The following COL26A1 variants were observed in gnomAD, a reference collection of about 807,000 sequenced individuals.
The protein encoded by COL26A1 is collagen type XXVI alpha 1 chain.
Under a neutral mutation model 59.3 loss-of-function variants are expected in COL26A1, and 41 were observed. The observed-to-expected ratio is 0.69, with a 90% confidence interval of 0.54 to 0.90. COL26A1 has a LOEUF of 0.90. Among genes scored for constraint, COL26A1 ranks in the 40% least tolerant of loss-of-function variants. The pLI, the probability that COL26A1 is intolerant of heterozygous loss-of-function variation, is 0.00. For synonymous variants in COL26A1, 266 were observed against 256.0 expected (o/e 1.04, Z -0.37); for missense variants, 612 against 602.3 (o/e 1.02, Z -0.17).
At chr7:101,471,571 G>GTTGTT (rs1793903750) in intron 3 of COL26A1, among the ~76,000 whole-genome samples, 7 of 92,966 alleles carry the variant, frequency 7.5e-5, no homozygotes, top group African/African-American at 2.7e-4. Context: ...GTTGTTGTTT[G>GTTGTT]TTTTTTTTTT....
Position 101,387,630 on chromosome 7 carries a change from G to GCTCT in COL26A1, c.158+24453_158+24456dup, listed in dbSNP as rs374185692. Reference sequence around the variant, plus strand: ...TGCAGTGTGAAGCATTCTCTCTCTCGCTCTCTCTCTCTCTCTTTATATATA... The same window carrying GCTCT: ...TGCAGTGTGAAGCATTCTCTCTCTCGCTCTCTCTCTCTCTCTCTCTTTATATATA... On this transcript the variant is annotated intron_variant, in intron 1 of 12. Coordinates refer to ENST00000313669, the MANE Select transcript of COL26A1 (RefSeq NM_001278563.3). 6.9e-3 allele frequency among the ~76,000 whole-genome samples: 917 copies of GCTCT among 132,392 alleles called. 12 individuals are homozygous for GCTCT. The highest frequency in any genetic ancestry group is 0.025 in the African/African-American group (885 of 35,410). The allele number at this position is 132,392 out of a possible 152,430, so 86.9% of individuals were successfully genotyped here. A position where few individuals can be genotyped will look rare whatever the true frequency, so the allele number is the denominator to read the frequency against.
At chr7:101,532,760 A>G (rs769100032) in intron 3 of COL26A1, among the ~76,000 whole-genome samples, 2 of 152,138 alleles carry the variant, frequency 1.3e-5, no homozygotes, top group Non-Finnish European at 1.5e-5. Flanking sequence ...GCTTTGTGCC[A>G]GTCACTGAGA....
At chr7:101,406,329 C>A (rs1477752047) in intron 1 of COL26A1, among the ~76,000 whole-genome samples, 1 of 152,142 alleles carries the variant, frequency 6.6e-6, no homozygotes, top group African/African-American at 2.4e-5. Flanking sequence ...AAAAACTGAT[C>A]AGGCCATGGT....
chr7:101,385,866 G>A (rs1308661858), intron 1 of COL26A1, among the ~76,000 whole-genome samples: 4 of 151,630 alleles, frequency 2.6e-5, no homozygotes, highest in South Asian at 2.1e-4. Flanking sequence ...CACCACGCCC[G>A]GCTAATTTTT....
intron 3 of COL26A1, among the ~76,000 whole-genome samples, chr7:101,477,443 C>T (rs1326310245): frequency 6.6e-6 from 1 of 152,204 alleles, no homozygotes; most frequent in Non-Finnish European, 1.5e-5. Flanking sequence ...CAGTGACCCT[C>T]TCTTGGGCTG....
chr7:101,430,349 C>T (rs951643430), intron 2 of COL26A1, among the ~76,000 whole-genome samples: 2 of 151,594 alleles, frequency 1.3e-5, no homozygotes, highest in Non-Finnish European at 2.9e-5. Flanking sequence ...AGTGTAGTGG[C>T]GCGATCTCAG....
At chr7:101,387,778 A>ATTTTTTTTTTTTT (rs1554404085) in intron 1 of COL26A1, among the ~76,000 whole-genome samples, 2 of 84,806 alleles carry the variant, frequency 2.4e-5, no homozygotes, top group African/African-American at 9.9e-5. Context: ...ATATATATAT[A>ATTTTTTTTTTTTT]TTTTTTTTTA....
At chr7:101,452,866 C>T (rs778319970) in intron 3 of COL26A1, among the ~76,000 whole-genome samples, 27 of 151,818 alleles carry the variant, frequency 1.8e-4, no homozygotes, top group Non-Finnish European at 3.4e-4. Context: ...CTGGGTTCAA[C>T]GGATTCTCCT....
At chr7:101,385,307 G>A (rs1288673680) in intron 1 of COL26A1, among the ~76,000 whole-genome samples, 1 of 149,612 alleles carries the variant, frequency 6.7e-6, no homozygotes, top group African/African-American at 2.4e-5. Context: ...TATACGGTGT[G>A]TGTGTATATA....
At chr7:101,419,074 T>C (rs1792446052) in intron 1 of COL26A1, among the ~76,000 whole-genome samples, 5 of 28,358 alleles carry the variant, frequency 1.8e-4, no homozygotes, top group Non-Finnish European at 1.3e-4. Context: ...CTCTCATTCC[T>C]CCTCCCCTCC....
At chr7:101,495,120 T>C (rs1794552794) in intron 3 of COL26A1, among the ~76,000 whole-genome samples, 1 of 152,188 alleles carries the variant, frequency 6.6e-6, no homozygotes, top group African/African-American at 2.4e-5. Flanking sequence ...CTGCTGAGAA[T>C]GTCAGGAGAT....
chr7:101,392,212 A>C (rs1274315777), intron 1 of COL26A1, among the ~76,000 whole-genome samples: 1 of 151,852 alleles, frequency 6.6e-6, no homozygotes, highest in African/African-American at 2.4e-5. Context: ...CACAGGCAGG[A>C]GGGTTACTCC....
chr7:101,449,353 C>A (rs948585365), intron 3 of COL26A1, among the ~76,000 whole-genome samples: 5 of 152,220 alleles, frequency 3.3e-5, no homozygotes, highest in Admixed American at 6.5e-5. Flanking sequence ...TCTGGTCCCC[C>A]CAACGGGATG....
intron 12 of COL26A1, among the ~76,000 whole-genome samples, chr7:101,556,993 GTGGATGGATGGATGGATGGA>G (rs72354212): frequency 2.1e-5 from 3 of 144,794 alleles, no homozygotes; most frequent in Admixed American, 7.1e-5. Context: ...GGATGGATGG[GTGGATGGATGGATGGATGGA>G]TGGATGGATG....
Position 101,425,812 on chromosome 7 carries a change from T to G in COL26A1, c.281+5713T>G, listed in dbSNP as rs577519351. Among the ~76,000 whole-genome samples the G allele has an allele frequency of 6.1e-5, 9 of 148,752 alleles. No homozygotes were observed. The South Asian group carries it at 6.4e-4, about 11-fold the overall frequency. On this transcript the variant is annotated intron_variant, in intron 2 of 12. Coordinates refer to ENST00000313669, the MANE Select transcript of COL26A1 (RefSeq NM_001278563.3). Reference sequence around the variant, plus strand: ...GTGAGCCACCATGCCCGGCCCCCAGTGCTTCTTAGCATAATTTTTTTTTTT... The same window carrying G: ...GTGAGCCACCATGCCCGGCCCCCAGGGCTTCTTAGCATAATTTTTTTTTTT...
At chr7:101,404,315 G>A (rs1464987137) in intron 1 of COL26A1, among the ~76,000 whole-genome samples, 3 of 152,116 alleles carry the variant, frequency 2.0e-5, no homozygotes, top group Non-Finnish European at 4.4e-5. Context: ...TTATCAGTAG[G>A]GTTTTTACAA....
At chr7:101,371,459 G>A (rs1791189821) in intron 1 of COL26A1, among the ~76,000 whole-genome samples, 1 of 150,552 alleles carries the variant, frequency 6.6e-6, no homozygotes, top group Non-Finnish European at 1.5e-5. Flanking sequence ...GACCAGCTGG[G>A]ACAACATAGC....
Position 101,425,553 on chromosome 7 carries a change from G to C in COL26A1, c.281+5454G>C, listed in dbSNP as rs983559313. 7.2e-5 allele frequency among the ~76,000 whole-genome samples: 11 copies of C among 152,114 alleles called. No individual in the cohort carries two copies. The South Asian group carries it at 8.3e-4, about 11-fold the overall frequency. On this transcript the variant is annotated intron_variant, in intron 2 of 12. Coordinates refer to ENST00000313669, the MANE Select transcript of COL26A1 (RefSeq NM_001278563.3). ...ATTCTGTCACCCAGGCTGGAGTGCA[G>C]TGGCGTGATCTCGGCTCACTGCAAC...
At chr7:101,483,142 G>A (rs1343154460) in intron 3 of COL26A1, among the ~76,000 whole-genome samples, 1 of 151,878 alleles carries the variant, frequency 6.6e-6, no homozygotes, top group African/African-American at 2.4e-5. Context: ...AAGAAAATGG[G>A]GCATTTAGTC....
Sources: allele counts gnomAD v4.1 joint callset (sites outside exome capture counted in the v4.1 genomes callset), GRCh38; gene constraint gnomAD v4.1.1; transcripts MANE v1.5; gene names NCBI Gene and HGNC (gene_info 2026-07-23, HGNC 2026-07-21).